Variants in SCN11A observed in about 807,000 individuals in gnomAD.
The protein encoded by SCN11A is sodium channel protein type 11 subunit alpha.
SCN11A carries 122 observed loss-of-function variants against 162.2 expected under a neutral mutation model. The ratio of observed to expected loss-of-function variants is 0.75; its 90% CI spans 0.65 to 0.87. The LOEUF is 0.87. Among genes scored for constraint, SCN11A ranks in the 40% least tolerant of loss-of-function variants. SCN11A has a pLI of 0.00. For synonymous variants in SCN11A, 758 were observed against 751.5 expected, an observed-to-expected ratio of 1.01 and a Z score of -0.14; for missense variants, 2,015 against 2,181.6, an observed-to-expected ratio of 0.92 and a Z score of 1.52.
At chr3:38,872,407 C>CA in intron 23 of SCN11A, 113 bp from the exon 24 acceptor site, 1 of 642,750 alleles carries the variant, frequency 1.6e-6, no homozygotes, top group South Asian at 1.8e-5. Context: ...ACAATGCACT[C>CA]ACGTTATTTG....
Position 39,033,147 on chromosome 3 carries a change from C to T in SCN11A, c.-403-644G>A, listed in dbSNP as rs2031806321. 4.9e-5 allele frequency among the ~76,000 whole-genome samples: 7 copies of T among 143,948 alleles called. No homozygotes were observed. In the South Asian group the frequency reaches 1.5e-3, roughly 32 times the overall value. The allele number at this position is 143,948 out of a possible 152,430, so 94.4% of individuals were successfully genotyped here. A position where few individuals can be genotyped will look rare whatever the true frequency, so the allele number is the denominator to read the frequency against. ...CAGCCTGGGTAACAGAAGGAGGTTG[C>T]ATCTTGAAAAAAAAAAAAAGAGAGA... is the stretch of plus-strand genomic sequence containing the variant. On this transcript the variant is annotated intron_variant, in intron 1 of 29. Coordinates refer to ENST00000302328, the MANE Select transcript of SCN11A (RefSeq NM_001349253.2).
chr3:38,874,227 C>T (rs187716934), intron 23 of SCN11A, among the ~76,000 whole-genome samples: 122 of 152,182 alleles, frequency 8.0e-4, no homozygotes, highest in Middle Eastern at 6.8e-3. Context: ...TTCTAAATAT[C>T]GATGTTATCC....
At chr3:38,971,181 G>T (rs2066814880) in intron 2 of SCN11A, among the ~76,000 whole-genome samples, 1 of 151,662 alleles carries the variant, frequency 6.6e-6, no homozygotes, top group East Asian at 1.9e-4. Flanking sequence ...AACAGACAAG[G>T]TCTCTGTCTG....
intron 21 of SCN11A, among the ~76,000 whole-genome samples, 158 bp from the exon 22 acceptor site, chr3:38,883,545 G>A (rs2065345882): frequency 6.6e-6 from 1 of 152,096 alleles, no homozygotes; most frequent in Admixed American, 6.6e-5. Context: ...CTTAAATCTG[G>A]TCCCTGCCAT....
At chr3:38,995,819 G>GTCTGTCTATCTATCTA (rs1553648593) in intron 2 of SCN11A, among the ~76,000 whole-genome samples, 1,619 of 141,754 alleles carry the variant, frequency 0.011, 39 homozygotes, top group African/African-American at 0.039. Context: ...CTATCTATCT[G>GTCTGTCTATCTATCTA]TCTATCTATC....
intron 22 of SCN11A, among the ~76,000 whole-genome samples, chr3:38,881,511 T>C (rs2065309295): frequency 6.6e-6 from 1 of 152,316 alleles, no homozygotes; most frequent in South Asian, 2.1e-4. Flanking sequence ...TTCAGAGGCT[T>C]CCACATTATA....
chr3:38,902,154 G>T (rs2065711399), intron 16 of SCN11A, among the ~76,000 whole-genome samples: 1 of 152,182 alleles, frequency 6.6e-6, no homozygotes, highest in African/African-American at 2.4e-5. Context: ...ACCAGGAGGT[G>T]CTAAAAGGTG....
At chr3:38,931,461 G>C (rs1353765535) in intron 7 of SCN11A, among the ~76,000 whole-genome samples, 1 of 152,198 alleles carries the variant, frequency 6.6e-6, no homozygotes, top group African/African-American at 2.4e-5. Flanking sequence ...ATGATTTAGA[G>C]AACACTTCCA....
intron 28 of SCN11A, among the ~76,000 whole-genome samples, chr3:38,857,458 GA>G (rs1030966412): frequency 1.6e-4 from 24 of 151,858 alleles, no homozygotes; most frequent in African/African-American, 5.3e-4. Context: ...CAAAGACAAA[GA>G]AAAAAGTTTA....
rs533294327 is a variant in SCN11A at position 39,010,268 on chromosome 3, A to G, written c.-280+22112T>C. Among the ~76,000 whole-genome samples, 223 of 152,100 alleles carry G rather than the reference A, an allele frequency of 1.5e-3. 3 individuals carry two copies. The South Asian group carries it at 0.02, about 14-fold the overall frequency. On this transcript the variant is annotated intron_variant, in intron 2 of 29. Transcript: ENST00000302328. Reference sequence around the variant, plus strand: ...AGGGGGAAATGAAGAGGGAGATGGCATTTTCCCAACAAGTCCTGTGGAATT... The same window carrying G: ...AGGGGGAAATGAAGAGGGAGATGGCGTTTTCCCAACAAGTCCTGTGGAATT...
chr3:38,862,115 G>C (rs2064973547), intron 28 of SCN11A, among the ~76,000 whole-genome samples: 1 of 151,772 alleles, frequency 6.6e-6, no homozygotes, highest in African/African-American at 2.4e-5. Context: ...TTTACAAATG[G>C]CCAAGAAACA....
intron 16 of SCN11A, among the ~76,000 whole-genome samples, 184 bp from the exon 17 acceptor site, chr3:38,900,257 T>C (rs553764268): frequency 6.6e-6 from 1 of 152,258 alleles, no homozygotes; most frequent in East Asian, 1.9e-4. Flanking sequence ...ATGACTTTGC[T>C]CCTCTCTCCA....
chr3:39,038,600 C>G (rs1164805275), intron 1 of SCN11A, among the ~76,000 whole-genome samples: 1 of 152,216 alleles, frequency 6.6e-6, no homozygotes, highest in African/African-American at 2.4e-5. Context: ...CACTGTCACT[C>G]TCCAAGGAAG....
chr3:38,946,430 G>A (rs999037533), intron 6 of SCN11A, among the ~76,000 whole-genome samples: 1 of 152,150 alleles, frequency 6.6e-6, no homozygotes, highest in Non-Finnish European at 1.5e-5. Flanking sequence ...TCAATATACT[G>A]CACAGGTTGC....
intron 2 of SCN11A, among the ~76,000 whole-genome samples, chr3:39,006,000 A>G (rs536707626): frequency 6.6e-6 from 1 of 152,318 alleles, no homozygotes; most frequent in East Asian, 1.9e-4. Flanking sequence ...TCAATGTTGA[A>G]TGACAGTTTA....
intron 2 of SCN11A, among the ~76,000 whole-genome samples, chr3:39,020,844 A>G (rs1325514888): frequency 6.6e-6 from 1 of 152,214 alleles, no homozygotes; most frequent in Non-Finnish European, 1.5e-5. Flanking sequence ...GTGGCTCTCA[A>G]TTCTCATTTC....
intron 11 of SCN11A, among the ~76,000 whole-genome samples, chr3:38,916,310 G>A (rs1164348199): frequency 6.6e-6 from 1 of 152,064 alleles, no homozygotes; most frequent in Non-Finnish European, 1.5e-5. Context: ...TGACATTCAA[G>A]GCTAATATTG....
chr3:38,910,523 G>A (rs965510257), intron 11 of SCN11A, among the ~76,000 whole-genome samples: 1 of 151,006 alleles, frequency 6.6e-6, no homozygotes, highest in African/African-American at 2.5e-5. Context: ...CTTCTTAGAG[G>A]CAATAGTTAA....
intron 2 of SCN11A, among the ~76,000 whole-genome samples, chr3:39,023,851 C>G (rs2031515128): frequency 6.6e-6 from 1 of 152,096 alleles, no homozygotes; most frequent in Non-Finnish European, 1.5e-5. Context: ...CCATGTTGGC[C>G]AGGCTGGTCT....
Sources: gnomAD v4.1 joint callset for allele counts (sites outside exome capture counted in the v4.1 genomes callset) on GRCh38, gnomAD v4.1.1 for gene constraint, MANE v1.5 for transcripts, NCBI Gene and HGNC (gene_info 2026-07-23, HGNC 2026-07-21) for gene names.